Variants in CDH1 observed in about 807,000 individuals in gnomAD.
CDH1 encodes cadherin 1.
In CDH1, 35 loss-of-function variants were observed where a neutral mutation model predicts 84.5. That is an observed-to-expected ratio of 0.41 (90% CI 0.32 to 0.55). CDH1 has a LOEUF of 0.55. Among genes scored for constraint, CDH1 ranks in the 20% least tolerant of loss-of-function variants. The pLI, the probability that CDH1 is intolerant of heterozygous loss-of-function variation, is 0.19. For synonymous variants in CDH1, 417 were observed against 439.0 expected (o/e 0.95, Z 0.63); for missense variants, 994 against 1,126.6 (o/e 0.88, Z 1.68).
chr16:68,764,205 C>G (rs1799844324), intron 2 of CDH1, among the ~76,000 whole-genome samples: 1 of 152,172 alleles, frequency 6.6e-6, no homozygotes, highest in Admixed American at 6.5e-5. Flanking sequence ...TGGATCATGT[C>G]TACATCTTTC....
chr16:68,766,271 A>G (rs1959381521), intron 2 of CDH1, among the ~76,000 whole-genome samples: 1 of 152,102 alleles, frequency 6.6e-6, no homozygotes, highest in African/African-American at 2.4e-5. Context: ...AAACAAAACA[A>G]AAAAATTTAT....
At chr16:68,750,739 CTG>C (rs1962866620) in intron 2 of CDH1, among the ~76,000 whole-genome samples, 2 of 147,756 alleles carry the variant, frequency 1.4e-5, no homozygotes, top group South Asian at 4.3e-4. Context: ...GACAGGGTCT[CTG>C]TCGCTCAGGC....
chr16:68,833,908 T>TA lies in CDH1; in HGVS notation c.*417dup, dbSNP rs905183345. 8 of 335,394 alleles carry TA rather than the reference T, an allele frequency of 2.4e-5. No homozygotes were observed. Among genetic ancestry groups the TA allele is most frequent in the East Asian group, 9.9e-5 (2 of 20,154 alleles). 20.8% of individuals were successfully genotyped at this position (335,394 alleles called of 1,614,324 possible). A position where few individuals can be genotyped will look rare whatever the true frequency, so the allele number is the denominator to read the frequency against. ...CTGTTGTTTTGTGTATATAATTTTT[T>TA]AAAAAAAATTTGTGTGCTTCTGCTC... On this transcript the variant is annotated 3_prime_UTR_variant, in exon 16 of 16. Transcript: ENST00000261769.
chr16:68,785,945 T>A (rs1044038783), intron 2 of CDH1, among the ~76,000 whole-genome samples: 1 of 152,162 alleles, frequency 6.6e-6, no homozygotes, highest in African/African-American at 2.4e-5. Context: ...TCCAGGTAAA[T>A]GGCCCATGGA....
chr16:68,806,232 A>G (rs370024490), intron 3 of CDH1, among the ~76,000 whole-genome samples: 107 of 151,308 alleles, frequency 7.1e-4, no homozygotes, highest in African/African-American at 2.2e-3. Context: ...GCTCACTGCA[A>G]CCTCTGCCTC....
rs1212839522 is a variant in CDH1 at position 68,808,667 on chromosome 16, T to G, written c.532-26T>G. 1.9e-5 allele frequency: 30 copies of G among 1,613,888 alleles called. No homozygotes were observed. Among genetic ancestry groups the G allele is most frequent in the Non-Finnish European group, 2.5e-5 (29 of 1,179,920 alleles). On this transcript the variant is annotated intron_variant, in intron 4 of 15. Coordinates refer to ENST00000261769, the MANE Select transcript of CDH1 (RefSeq NM_004360.5). ...CAGTGTTGGGATCCTTCTTTACTAA[T>G]TCTTTTTCTTTCATTTTGTCTTCAG...
intron 5 of CDH1, 101 bp from the exon 6 acceptor site, chr16:68,810,096 A>G (rs1960775258): frequency 9.1e-6 from 11 of 1,205,824 alleles, no homozygotes; most frequent in Non-Finnish European, 1.2e-6. Context: ...GAGCCTAGGA[A>G]GGTGTGGCAG....
At chr16:68,750,990 G>T (rs916241740) in intron 2 of CDH1, among the ~76,000 whole-genome samples, 12 of 151,912 alleles carry the variant, frequency 7.9e-5, no homozygotes, top group Non-Finnish European at 2.9e-5. Flanking sequence ...CAGGCATGAC[G>T]CCCAGCTGTT....
chr16:68,829,208 G>GAATAGAC (rs1961410992), intron 14 of CDH1, among the ~76,000 whole-genome samples: 1 of 152,176 alleles, frequency 6.6e-6, no homozygotes, highest in Non-Finnish European at 1.5e-5. Context: ...GTCCAGGTCT[G>GAATAGAC]TTCCATGCAA....
chr16:68,743,335 CTTTCTTTCTTT>C (rs1567473911), intron 2 of CDH1, among the ~76,000 whole-genome samples: 3 of 25,596 alleles, frequency 1.2e-4, no homozygotes. Flanking sequence ...TTCTTTCTTT[CTTTCTTTCTTT>C]CTTTCTTTCT....
chr16:68,811,606 G>A lies in CDH1; in HGVS notation c.833-78G>A, dbSNP rs910919905. 8 of 1,278,374 alleles carry A rather than the reference G, an allele frequency of 6.3e-6. No individual in the cohort carries two copies. In the Admixed American group the frequency reaches 1.0e-4, roughly 16 times the overall value. 79.2% of individuals were successfully genotyped at this position (1,278,374 alleles called of 1,614,324 possible). ...CATGTCCCCTCCTTTATCCCTCAGG[G>A]CAGAATTGGATTAAGCAGTATTGAC... On this transcript the variant is annotated intron_variant, in intron 6 of 15. Coordinates refer to ENST00000261769, the MANE Select transcript of CDH1 (RefSeq NM_004360.5).
chr16:68,746,307 C>T (rs1386113392), intron 2 of CDH1, among the ~76,000 whole-genome samples: 3 of 152,136 alleles, frequency 2.0e-5, no homozygotes, highest in Non-Finnish European at 4.4e-5. Context: ...CTCCTGTAAT[C>T]CCTGCTACTT....
At chr16:68,816,757 AAAAC>A (rs1200333338) in intron 10 of CDH1, among the ~76,000 whole-genome samples, 6 of 150,250 alleles carry the variant, frequency 4.0e-5, no homozygotes, top group African/African-American at 1.5e-4. Flanking sequence ...TCAAAAACAA[AAAAC>A]AAAAAAACTC....
chr16:68,804,427 A>G (rs1960597596), intron 3 of CDH1, among the ~76,000 whole-genome samples: 3 of 152,064 alleles, frequency 2.0e-5, no homozygotes, highest in African/African-American at 7.2e-5. Context: ...CTGCCTTTTA[A>G]GAAACCTTTG....
At chr16:68,789,743 G>C (rs997627208) in intron 2 of CDH1, among the ~76,000 whole-genome samples, 5 of 152,144 alleles carry the variant, frequency 3.3e-5, no homozygotes, top group African/African-American at 1.2e-4. Context: ...TGAGGCAGGG[G>C]CCCTGGCTGA....
intron 2 of CDH1, among the ~76,000 whole-genome samples, chr16:68,800,311 T>C (rs1363929194): frequency 1.3e-5 from 2 of 152,284 alleles, no homozygotes; most frequent in African/African-American, 4.8e-5. Context: ...GGATGTCAGG[T>C]AAATTTCTTA....
chr16:68,750,533 C>G (rs1441666538), intron 2 of CDH1, among the ~76,000 whole-genome samples: 2 of 151,824 alleles, frequency 1.3e-5, no homozygotes, highest in Non-Finnish European at 2.9e-5. Flanking sequence ...CTCAGGACCC[C>G]GTGGGATAAT....
intron 2 of CDH1, among the ~76,000 whole-genome samples, chr16:68,748,708 A>G (rs931718149): frequency 1.1e-4 from 17 of 152,356 alleles, no homozygotes; most frequent in African/African-American, 3.8e-4. Context: ...ATTGCCTTCC[A>G]CAAAGACTGT....
chr16:68,807,348 C>A (rs562852616), intron 3 of CDH1, among the ~76,000 whole-genome samples: 1 of 152,068 alleles, frequency 6.6e-6, no homozygotes, highest in South Asian at 2.1e-4. Context: ...TGGGATAACT[C>A]CACGTTGAGG....
Sources: gnomAD v4.1 joint callset for allele counts (sites outside exome capture counted in the v4.1 genomes callset) on GRCh38, gnomAD v4.1.1 for gene constraint, MANE v1.5 for transcripts, NCBI Gene and HGNC (gene_info 2026-07-23, HGNC 2026-07-21) for gene names.